Variants in GLRB observed in about 807,000 individuals in gnomAD.
The protein encoded by GLRB is glycine receptor beta, also known as glycine receptor subunit beta.
Under a neutral mutation model 54.2 loss-of-function variants are expected in GLRB, and 33 were observed. The observed-to-expected ratio is 0.61, with a 90% confidence interval of 0.46 to 0.81. The LOEUF (loss-of-function observed/expected upper bound fraction) is 0.81. Among genes scored for constraint, GLRB ranks in the 40% least tolerant of loss-of-function variants. The pLI is 0.00. For synonymous variants in GLRB, 209 were observed against 208.2 expected (o/e 1.00, Z -0.03); for missense variants, 572 against 584.6 (o/e 0.98, Z 0.22).
At chr4:157,124,964 A>ATT (rs1735964556) in intron 4 of GLRB, among the ~76,000 whole-genome samples, 1 of 151,862 alleles carries the variant, frequency 6.6e-6, no homozygotes, top group African/African-American at 2.4e-5. Context: ...TATTTCATAT[A>ATT]TTTGCTCAGT....
intron 8 of GLRB, among the ~76,000 whole-genome samples, chr4:157,148,186 C>T (rs1736888364): frequency 1.3e-5 from 2 of 152,020 alleles, no homozygotes; most frequent in Admixed American, 6.6e-5. Flanking sequence ...CGTAGTACTC[C>T]CTTTTCCTTT....
At chr4:157,087,442 T>G (rs2126440028) in intron 2 of GLRB, among the ~76,000 whole-genome samples, 1 of 152,242 alleles carries the variant, frequency 6.6e-6, no homozygotes, top group South Asian at 2.1e-4. Context: ...TTTTATTCAT[T>G]CATTAATTTA....
intron 2 of GLRB, among the ~76,000 whole-genome samples, chr4:157,092,932 T>C (rs1216643957): frequency 1.3e-5 from 2 of 152,184 alleles, no homozygotes; most frequent in African/African-American, 2.4e-5. Context: ...GCTTTCCTAA[T>C]GGCCTACCGC....
chr4:157,162,854 CT>C (rs1737562052), intron 9 of GLRB, among the ~76,000 whole-genome samples: 2 of 152,206 alleles, frequency 1.3e-5, no homozygotes, highest in South Asian at 4.1e-4. Context: ...CCACTACTCT[CT>C]TCAAAGCTGT....
In GLRB at chr4:157,136,530, G is replaced by C. The variant is rs1262803932; in HGVS notation, c.359G>C (p.Ser120Thr). The change falls in exon 5 of 10, where the codon AGT (serine) becomes ACT (threonine). Residue 120 changes from serine (S) to threonine (T), a missense_variant. Transcript: ENST00000264428. Reference protein sequence around the residue: ...KWNDPRLKLPSDFRGSDALTV... With the variant: ...KWNDPRLKLPTDFRGSDALTV... ...AATGACCCCAGGCTGAAGCTCCCCA[G>C]TGATTTTAGGGGTTCAGATGCACTG... 11 of 1,613,154 alleles carry C rather than the reference G, an allele frequency of 6.8e-6. No homozygotes were observed. The highest frequency in any genetic ancestry group is 9.3e-6 in the Non-Finnish European group (11 of 1,179,252).
chr4:157,128,421 A>G (rs576775934), intron 4 of GLRB, among the ~76,000 whole-genome samples: 1 of 151,898 alleles, frequency 6.6e-6, no homozygotes, highest in African/African-American at 2.4e-5. Flanking sequence ...CTTTCTAGTA[A>G]TTTGATTATT....
At chr4:157,153,205 C>G (rs372785948) in intron 9 of GLRB, among the ~76,000 whole-genome samples, 195 bp downstream of exon 9, 1 of 152,014 alleles carries the variant, frequency 6.6e-6, no homozygotes, top group Non-Finnish European at 1.5e-5. Flanking sequence ...ACGTTTAGGT[C>G]GAATACCACT....
intron 9 of GLRB, among the ~76,000 whole-genome samples, chr4:157,154,776 C>T (rs1383651981): frequency 6.6e-6 from 1 of 151,988 alleles, no homozygotes; most frequent in African/African-American, 2.4e-5. Flanking sequence ...TTTAGAATTT[C>T]ATTTTGAGCT....
rs1051486159 is a variant in GLRB, at chr4:157,076,162, C to G, written c.-165C>G. 6.7e-6 allele frequency: 1 copy of G among 149,470 alleles called. No homozygotes were observed. The allele number at this position is 149,470 out of a possible 1,614,324, so 9.3% of individuals were successfully genotyped here. A position where few individuals can be genotyped will look rare whatever the true frequency, so the allele number is the denominator to read the frequency against. On this transcript the variant is annotated 5_prime_UTR_variant, in exon 1 of 10. Coordinates refer to ENST00000264428, the MANE Select transcript of GLRB (RefSeq NM_000824.5). Reference sequence around the variant, plus strand: ...CCGCGGCCCGAGCAGGCGCGTCAGCCGAGCTCGGCGGTGGCGCGGGCGGCT... The same window carrying G: ...CCGCGGCCCGAGCAGGCGCGTCAGCGGAGCTCGGCGGTGGCGCGGGCGGCT...
chr4:157,110,479 C>G (rs1214638925), intron 2 of GLRB, among the ~76,000 whole-genome samples: 1 of 151,932 alleles, frequency 6.6e-6, no homozygotes, highest in Non-Finnish European at 1.5e-5. Flanking sequence ...TTCAAGGTTT[C>G]TACCTGCTTC....
intron 9 of GLRB, among the ~76,000 whole-genome samples, chr4:157,161,566 A>G (rs575796173): frequency 3.6e-4 from 55 of 152,104 alleles, no homozygotes; most frequent in Non-Finnish European, 5.6e-4. Flanking sequence ...TCTGTAAAGG[A>G]TTTTATTTCT....
intron 8 of GLRB, among the ~76,000 whole-genome samples, chr4:157,144,842 G>A (rs1055284398): frequency 3.9e-5 from 6 of 152,246 alleles, no homozygotes; most frequent in African/African-American, 1.4e-4. Flanking sequence ...ATTTTAAAGA[G>A]TAGGAAGCTA....
chr4:157,161,665 C>A (rs1324026928), intron 9 of GLRB, among the ~76,000 whole-genome samples: 2 of 152,236 alleles, frequency 1.3e-5, no homozygotes, highest in African/African-American at 4.8e-5. Flanking sequence ...GGCCCCCACT[C>A]TCTTCTAGCT....
At chr4:157,095,652 C>T (rs755002339) in intron 2 of GLRB, among the ~76,000 whole-genome samples, 2 of 152,058 alleles carry the variant, frequency 1.3e-5, no homozygotes, top group Non-Finnish European at 2.9e-5. Flanking sequence ...CATGGTGAAA[C>T]CCTATCTCTA....
At chr4:157,093,754 CAAAAA>C (rs70958808) in intron 2 of GLRB, among the ~76,000 whole-genome samples, 155 of 60,832 alleles carry the variant, frequency 2.5e-3, no homozygotes, top group African/African-American at 9.7e-3. Context: ...GACTCCATCT[CAAAAA>C]AAAAAAAAAA....
chr4:157,087,557 C>T lies in GLRB; in HGVS notation c.122+9411C>T, dbSNP rs982927094. ...TAGTGTTTTGTTGGTGCTTTTTGTT[C>T]CCCAATTTTTAACCATTCAAGCCTG... is the stretch of plus-strand genomic sequence containing the variant. On this transcript the variant is annotated intron_variant, in intron 2 of 9. Transcript: ENST00000264428. Among the ~76,000 whole-genome samples, 6 of 151,836 alleles carry T rather than the reference C, an allele frequency of 4.0e-5. 1 individual carries two copies. Among genetic ancestry groups the T allele is most frequent in the African/African-American group, 4.8e-5 (2 of 41,386 alleles).
At chr4:157,170,121 T>C (rs572191228) in intron 9 of GLRB, among the ~76,000 whole-genome samples, 46 of 152,250 alleles carry the variant, frequency 3.0e-4, no homozygotes, top group African/African-American at 9.9e-4. Context: ...GTTTATTTAT[T>C]AGTCCTACAA....
At position 157,122,338 on chromosome 4, in the gene GLRB, G is replaced by T. The variant is rs1445961595; in HGVS notation, c.238G>T (p.Val80Phe). Residue 80 changes from valine (V) to phenylalanine (F), a missense_variant, in exon 4 of 10, where the codon GTT (valine) becomes TTT (phenylalanine). By Grantham distance (50) the Val-to-Phe change is conservative. Transcript: ENST00000264428. Reference protein sequence around the residue: ...RIRPNFKGIPVDVVVNIFINS... With the variant: ...RIRPNFKGIPFDVVVNIFINS... The stretch of plus-strand genomic sequence containing the variant: ...TTAATTTTTATTCATAGGCATTCCT[G>T]TTGATGTAGTAGTCAACATTTTTAT... 1 of 1,272,312 alleles carries T rather than the reference G, an allele frequency of 7.9e-7. No homozygotes were observed. The highest frequency in any genetic ancestry group is 1.1e-6 in the Non-Finnish European group (1 of 883,530). The allele number at this position is 1,272,312 out of a possible 1,614,324, so 78.8% of individuals were successfully genotyped here.
intron 8 of GLRB, among the ~76,000 whole-genome samples, chr4:157,148,921 C>T (rs562998953): frequency 1.1e-3 from 165 of 152,014 alleles, no homozygotes; most frequent in Non-Finnish European, 2.1e-3. Context: ...ATGTTAAGAT[C>T]TCCAATTATA....
Sources: allele counts gnomAD v4.1 joint callset (sites outside exome capture counted in the v4.1 genomes callset), GRCh38; gene constraint gnomAD v4.1.1; transcripts MANE v1.5; gene names NCBI Gene and HGNC (gene_info 2026-07-23, HGNC 2026-07-21).